SPAG16: variants seen among roughly 807,000 people sequenced by gnomAD.
The protein encoded by SPAG16 is sperm associated antigen 16, also known as sperm-associated antigen 16 protein.
SPAG16 carries 86 observed loss-of-function variants against 80.4 expected under a neutral mutation model. That is an observed-to-expected ratio of 1.07 (90% CI 0.90 to 1.28). SPAG16 has a LOEUF of 1.28. Among genes scored for constraint, SPAG16 ranks in the 50% most tolerant of loss-of-function variants. The pLI, the probability that SPAG16 is intolerant of heterozygous loss-of-function variation, is 0.00. For missense variants in SPAG16, 870 were observed against 765.3 expected (o/e 1.14, Z -1.61); for synonymous variants, 294 against 265.9 (o/e 1.11, Z -1.03).
chr2:213,928,233 C>T lies in SPAG16; in HGVS notation c.1215-1727C>T, dbSNP rs575611972. On this transcript the variant is annotated intron_variant, in intron 11 of 15. Transcript: ENST00000331683. ...CCGAGTAGCTGGGATTACAGGCACA[C>T]GCCACCATGCCTGGCTAATTTTTTT... is the stretch of plus-strand genomic sequence containing the variant. Among the ~76,000 whole-genome samples, 9 of 151,452 alleles carry T rather than the reference C, an allele frequency of 5.9e-5. No homozygotes were observed. The East Asian group carries it at 7.8e-4, about 13-fold the overall frequency.
intron 11 of SPAG16, among the ~76,000 whole-genome samples, chr2:213,871,869 CACACACACACAGAGAGAGAGAG>C (rs66685116): frequency 0.44 from 47,693 of 107,906 alleles, 8,058 homozygotes; most frequent in South Asian, 0.63. Context: ...CACACACACA[CACACACACACAGAGAGAGAGAG>C]AGAGAGAGCA....
chr2:213,550,511 T>C (rs776199188), intron 10 of SPAG16, among the ~76,000 whole-genome samples: 18 of 152,140 alleles, frequency 1.2e-4, no homozygotes, highest in Non-Finnish European at 2.1e-4. Flanking sequence ...AATATTCTTT[T>C]AGAGAATTTA....
At chr2:213,948,472 AT>A (rs572960672) in intron 12 of SPAG16, among the ~76,000 whole-genome samples, 1 of 151,684 alleles carries the variant, frequency 6.6e-6, no homozygotes, top group Non-Finnish European at 1.5e-5. Context: ...TCACTCTCTA[AT>A]TTTTTTTGTT....
intron 9 of SPAG16, among the ~76,000 whole-genome samples, chr2:213,463,759 T>G (rs1179029775): frequency 1.3e-5 from 2 of 152,114 alleles, no homozygotes; most frequent in African/African-American, 4.8e-5. Flanking sequence ...GCTAGGGGAG[T>G]GCAGAAGGGA....
chr2:214,023,363 G>T (rs2047977162), intron 13 of SPAG16, among the ~76,000 whole-genome samples: 1 of 151,282 alleles, frequency 6.6e-6, no homozygotes, highest in African/African-American at 2.4e-5. Context: ...TTCCCTAGAG[G>T]AGTAGTATTT....
chr2:214,129,417 T>G (rs942430382), intron 14 of SPAG16, among the ~76,000 whole-genome samples: 1 of 152,170 alleles, frequency 6.6e-6, no homozygotes, highest in East Asian at 1.9e-4. Flanking sequence ...TGTAAACCAT[T>G]GTTTTCTATA....
chr2:213,393,876 A>G (rs374582780), intron 9 of SPAG16, among the ~76,000 whole-genome samples: 1 of 152,090 alleles, frequency 6.6e-6, no homozygotes, highest in Non-Finnish European at 1.5e-5. Flanking sequence ...TCTTTTTCAT[A>G]TGTTAGCTTC....
chr2:214,200,094 C>CTCTCT (rs2057965169), intron 15 of SPAG16, among the ~76,000 whole-genome samples: 1 of 152,116 alleles, frequency 6.6e-6, no homozygotes. Flanking sequence ...CCCTTTATTT[C>CTCTCT]TCTCTTCTCT....
chr2:214,177,753 G>C (rs373847174), intron 15 of SPAG16, among the ~76,000 whole-genome samples: 4 of 149,524 alleles, frequency 2.7e-5, no homozygotes, highest in African/African-American at 4.9e-5. Flanking sequence ...ACCTCTGCTA[G>C]TATCAAATTA....
At chr2:213,762,795 A>G (rs971223415) in intron 10 of SPAG16, among the ~76,000 whole-genome samples, 3 of 152,182 alleles carry the variant, frequency 2.0e-5, no homozygotes, top group Non-Finnish European at 2.9e-5. Context: ...ACTACACCAA[A>G]CTAAAAAGCT....
At chr2:214,286,865 T>G (rs1354539111) in intron 15 of SPAG16, among the ~76,000 whole-genome samples, 1 of 152,206 alleles carries the variant, frequency 6.6e-6, no homozygotes, top group Non-Finnish European at 1.5e-5. Context: ...ATGCTACCCA[T>G]AGTAGGCTAA....
intron 10 of SPAG16, among the ~76,000 whole-genome samples, chr2:213,708,588 T>G (rs977282459): frequency 6.6e-6 from 1 of 151,982 alleles, no homozygotes; most frequent in African/African-American, 2.4e-5. Flanking sequence ...GGTCAGGAGT[T>G]CAAGATCAGC....
intron 15 of SPAG16, among the ~76,000 whole-genome samples, chr2:214,338,370 C>T (rs965686585): frequency 1.3e-5 from 2 of 152,066 alleles, no homozygotes; most frequent in Admixed American, 6.6e-5. Context: ...AAAAATTAGT[C>T]GGGCATGGTG....
chr2:213,768,205 G>A (rs971286144), intron 10 of SPAG16, among the ~76,000 whole-genome samples: 2 of 152,118 alleles, frequency 1.3e-5, no homozygotes, highest in African/African-American at 4.8e-5. Flanking sequence ...AAAGTATTGG[G>A]GGTAAAGGAC....
At chr2:213,385,406 A>G (rs1438527092) in intron 9 of SPAG16, among the ~76,000 whole-genome samples, 2 of 152,078 alleles carry the variant, frequency 1.3e-5, no homozygotes, top group Non-Finnish European at 2.9e-5. Flanking sequence ...GTCCAACTTT[A>G]TATTCTACCT....
intron 12 of SPAG16, among the ~76,000 whole-genome samples, chr2:213,988,541 A>G (rs1251367240): frequency 6.6e-6 from 1 of 152,174 alleles, no homozygotes; most frequent in Non-Finnish European, 1.5e-5. Flanking sequence ...TAATCTGACC[A>G]GAATGAAAGC....
chr2:214,083,184 G>A (rs561385706), intron 13 of SPAG16, among the ~76,000 whole-genome samples: 38 of 152,256 alleles, frequency 2.5e-4, no homozygotes, highest in African/African-American at 6.0e-4. Flanking sequence ...TAGAGGGGAC[G>A]GAATGTGTGA....
chr2:213,571,991 T>A (rs1443530907), intron 10 of SPAG16, among the ~76,000 whole-genome samples: 5 of 128,074 alleles, frequency 3.9e-5, no homozygotes, highest in African/African-American at 7.3e-5. Context: ...ATTCATTTCA[T>A]CTTCCATTGC....
At chr2:214,232,204 G>A (rs1441570313) in intron 15 of SPAG16, among the ~76,000 whole-genome samples, 2 of 151,938 alleles carry the variant, frequency 1.3e-5, no homozygotes, top group African/African-American at 2.4e-5. Flanking sequence ...ACATATGGTA[G>A]ATGCTATTTA....
Sources: allele counts gnomAD v4.1 joint callset (sites outside exome capture counted in the v4.1 genomes callset), GRCh38; gene constraint gnomAD v4.1.1; transcripts MANE v1.5; gene names NCBI Gene and HGNC (gene_info 2026-07-23, HGNC 2026-07-21).